The following RPH3A variants were observed in gnomAD, a reference collection of about 807,000 sequenced individuals.
The protein encoded by RPH3A is rabphilin 3A.
Under a neutral mutation model 102.2 loss-of-function variants are expected in RPH3A, and 48 were observed. The ratio of observed to expected loss-of-function variants is 0.47; its 90% CI spans 0.37 to 0.60. The LOEUF (loss-of-function observed/expected upper bound fraction) is 0.60. Ranked by LOEUF, RPH3A falls within the 20% of genes least tolerant of loss-of-function variation. The pLI, the probability that RPH3A is intolerant of heterozygous loss-of-function variation, is 0.00. For missense variants in RPH3A, 781 were observed against 910.1 expected (o/e 0.86, Z 1.83); for synonymous variants, 310 against 324.3 (o/e 0.96, Z 0.47).
chr12:112,825,350 A>C (rs1002327179), intron 2 of RPH3A, among the ~76,000 whole-genome samples: 8 of 152,092 alleles, frequency 5.3e-5, no homozygotes. Flanking sequence ...CTCACACACA[A>C]AGATTGAATA....
Position 112,868,517 on chromosome 12 carries a change from C to A in RPH3A, c.532C>A (p.Gln178Lys), listed in dbSNP as rs773307924. 101 of 1,614,056 alleles carry A rather than the reference C, an allele frequency of 6.3e-5. 1 individual carries two copies. The Admixed American group carries it at 1.6e-3, about 26-fold the overall frequency. ...TATGCCTATAAAGAAGACCAAGCCC[C>A]AGCAGCCTGTCAGTGAGCCTGCTGC... ...QPMPIKKTKP[Q>K]QPVSEPAAPE... The change falls in exon 8 of 22, where the codon CAG becomes AAG. Residue 178 changes from glutamine to lysine, a missense_variant. Physicochemically the swap from Gln to Lys is moderately conservative, Grantham distance 53. Transcript: ENST00000389385.
intron 1 of RPH3A, among the ~76,000 whole-genome samples, chr12:112,690,625 T>C (rs1367570551): frequency 6.6e-6 from 1 of 152,086 alleles, no homozygotes; most frequent in Non-Finnish European, 1.5e-5. Context: ...ACACACCTAT[T>C]AGAACATAGC....
chr12:112,825,551 G>A (rs2041853312), intron 2 of RPH3A, among the ~76,000 whole-genome samples: 1 of 152,058 alleles, frequency 6.6e-6, no homozygotes, highest in South Asian at 2.1e-4. Context: ...CTCTTGGTGG[G>A]ACCTTCAGAG....
chr12:112,584,626 G>A (rs894747085), intron 1 of RPH3A, among the ~76,000 whole-genome samples: 4 of 152,148 alleles, frequency 2.6e-5, no homozygotes, highest in Non-Finnish European at 5.9e-5. Context: ...TTGCTCCATG[G>A]GGCACACCCT....
intron 1 of RPH3A, among the ~76,000 whole-genome samples, chr12:112,692,883 T>G (rs528955994): frequency 6.6e-6 from 1 of 152,228 alleles, no homozygotes; most frequent in African/African-American, 2.4e-5. Flanking sequence ...ATCCTGAGCA[T>G]GAACACCATG....
chr12:112,893,638 C>T (rs1171401457), intron 19 of RPH3A: 1 of 152,286 alleles, frequency 6.6e-6, no homozygotes, highest in Non-Finnish European at 1.5e-5. Flanking sequence ...AGAGATCCTT[C>T]CACCTCAGCT....
At chr12:112,664,249 C>T (rs1157362734) in intron 1 of RPH3A, among the ~76,000 whole-genome samples, 2 of 152,002 alleles carry the variant, frequency 1.3e-5, no homozygotes, top group African/African-American at 2.4e-5. Context: ...AAGGTCAGAC[C>T]AGGAAGGAAG....
At chr12:112,659,008 A>G (rs2040032364) in intron 1 of RPH3A, among the ~76,000 whole-genome samples, 2 of 152,200 alleles carry the variant, frequency 1.3e-5, no homozygotes, top group Admixed American at 6.5e-5. Context: ...TATCTTTGTT[A>G]TGTACTTAGC....
chr12:112,826,077 T>C lies in RPH3A; in HGVS notation c.-18-2224T>C, dbSNP rs140242692. Among the ~76,000 whole-genome samples, 1,455 of 150,800 alleles carry C rather than the reference T, an allele frequency of 9.6e-3. 10 individuals carry two copies. Among genetic ancestry groups the C allele is most frequent in the Non-Finnish European group, 0.016 (1,061 of 67,926 alleles). ...AAGCCCTGCATGCATTAGCTATTTATCCTGAAGCTCTCCCTACACCGACCC... is the reference window on the plus strand; with the variant it reads ...AAGCCCTGCATGCATTAGCTATTTACCCTGAAGCTCTCCCTACACCGACCC... On this transcript the variant is annotated intron_variant, in intron 2 of 21. Transcript: ENST00000389385.
At position 112,588,507 on chromosome 12, in the gene RPH3A, C is replaced by T. The variant is rs896245726; in HGVS notation, c.-140+13188C>T. ...CCTGCTCCCATGATTCAATTATCTCCCACGGGGTCCCTCCCACGACATGTG... is the reference window on the plus strand; with the variant it reads ...CCTGCTCCCATGATTCAATTATCTCTCACGGGGTCCCTCCCACGACATGTG... On this transcript the variant is annotated intron_variant, in intron 1 of 21. Transcript: ENST00000543106. Among the ~76,000 whole-genome samples, 5 of 152,206 alleles carry T rather than the reference C, an allele frequency of 3.3e-5. No homozygotes were observed. The South Asian group carries it at 1.0e-3, about 32-fold the overall frequency.
chr12:112,781,192 AAAC>A (rs34648570), intron 1 of RPH3A, among the ~76,000 whole-genome samples: 115,458 of 150,904 alleles, frequency 0.77, 44,216 homozygotes, highest in East Asian at 0.83. Context: ...AAAAAAACCA[AAAC>A]AACAACAACA....
intron 7 of RPH3A, among the ~76,000 whole-genome samples, chr12:112,867,098 G>A (rs1157922190): frequency 2.0e-5 from 3 of 151,556 alleles, no homozygotes; most frequent in African/African-American, 4.9e-5. Flanking sequence ...CACCTTATGG[G>A]TCTTCCTCTC....
chr12:112,588,852 T>C (rs925555324), intron 1 of RPH3A, among the ~76,000 whole-genome samples: 1 of 151,978 alleles, frequency 6.6e-6, no homozygotes, highest in Non-Finnish European at 1.5e-5. Context: ...GACCACAGTG[T>C]GACATGTGGA....
intron 2 of RPH3A, among the ~76,000 whole-genome samples, chr12:112,799,747 C>T (rs1236735957): frequency 6.6e-6 from 1 of 152,124 alleles, no homozygotes; most frequent in African/African-American, 2.4e-5. Flanking sequence ...CATTGGTCAC[C>T]CGGGGGATAT....
chr12:112,611,286 G>C (rs1036236835), intron 1 of RPH3A, among the ~76,000 whole-genome samples: 1 of 152,180 alleles, frequency 6.6e-6, no homozygotes, highest in East Asian at 1.9e-4. Context: ...CTGGTTTTAT[G>C]AGTTTAGACA....
intron 10 of RPH3A, chr12:112,874,781 C>T (rs1307513470): frequency 5.7e-6 from 2 of 353,136 alleles, no homozygotes; most frequent in Non-Finnish European, 1.0e-5. Context: ...TCTCCATATA[C>T]CAGGTGAGGA....
In RPH3A at chr12:112,803,038, A is replaced by G. The variant is rs115707965; in HGVS notation, c.-19+10775A>G. Among the ~76,000 whole-genome samples, 448 of 152,276 alleles carry G rather than the reference A, an allele frequency of 2.9e-3. 2 individuals carry two copies. Among genetic ancestry groups the G allele is most frequent in the African/African-American group, 0.01 (432 of 41,556 alleles). ...AGCTGTCCAAAGCCTGGGATTGAGA[A>G]GACTCTAGATCTGAAAAATTCTTCC... On this transcript the variant is annotated intron_variant, in intron 2 of 21. Coordinates refer to ENST00000389385, the MANE Select transcript of RPH3A (RefSeq NM_001143854.2).
At chr12:112,843,045 A>C (rs1168268219) in intron 4 of RPH3A, among the ~76,000 whole-genome samples, 1 of 152,166 alleles carries the variant, frequency 6.6e-6, no homozygotes, top group African/African-American at 2.4e-5. Flanking sequence ...ACAATTCTCT[A>C]ACTTGTCCAA....
chr12:112,882,052 A>G (rs116085583), intron 15 of RPH3A, among the ~76,000 whole-genome samples: 2,436 of 152,284 alleles, frequency 0.016, 72 homozygotes, highest in African/African-American at 0.055. Flanking sequence ...CCATTTCTCC[A>G]ACTCAGAAAC....
Sources: allele counts gnomAD v4.1 joint callset (sites outside exome capture counted in the v4.1 genomes callset), GRCh38; gene constraint gnomAD v4.1.1; transcripts MANE v1.5; gene names NCBI Gene and HGNC (gene_info 2026-07-23, HGNC 2026-07-21).